RBFOX1: variants seen among roughly 807,000 people sequenced by gnomAD.
The protein encoded by RBFOX1 is RNA binding protein fox-1 homolog 1.
RBFOX1 carries 8 observed loss-of-function variants against 57.7 expected under a neutral mutation model. That is an observed-to-expected ratio of 0.14 (90% confidence interval 0.08 to 0.25). The LOEUF (loss-of-function observed/expected upper bound fraction) is 0.25, where lower values mean the gene tolerates loss of function less well. Among genes scored for constraint, RBFOX1 ranks in the 10% least tolerant of loss-of-function variants. The pLI, the probability that RBFOX1 is intolerant of heterozygous loss-of-function variation, is 1.00. For synonymous variants in RBFOX1, 326 were observed against 222.4 expected, an observed-to-expected ratio of 1.47 and a Z score of -4.15; for missense variants, 611 against 548.5, an observed-to-expected ratio of 1.11 and a Z score of -1.14.
At chr16:6,420,432 G>A (rs932469760) in intron 2 of RBFOX1, among the ~76,000 whole-genome samples, 1 of 151,998 alleles carries the variant, frequency 6.6e-6, no homozygotes, top group Admixed American at 6.6e-5. Context: ...ATAAGAAAAT[G>A]TAAATTAAAG....
chr16:6,795,782 A>G (rs533818995), intron 3 of RBFOX1, among the ~76,000 whole-genome samples: 4 of 151,812 alleles, frequency 2.6e-5, no homozygotes, highest in African/African-American at 9.7e-5. Flanking sequence ...AAAAATGAAA[A>G]AAAAAAAAAG....
At chr16:7,367,883 C>CAT (rs1465014319) in intron 4 of RBFOX1, among the ~76,000 whole-genome samples, 8 of 85,028 alleles carry the variant, frequency 9.4e-5, no homozygotes, top group Non-Finnish European at 1.6e-4. Flanking sequence ...CACATGCGTG[C>CAT]ATACACACAC....
At chr16:5,817,484 G>C (rs1466885651) in intron 3 of RBFOX1, among the ~76,000 whole-genome samples, 1 of 152,146 alleles carries the variant, frequency 6.6e-6, no homozygotes, top group Admixed American at 6.5e-5. Context: ...GAAATTAATG[G>C]ATGAACAAGT....
intron 4 of RBFOX1, among the ~76,000 whole-genome samples, chr16:7,070,829 A>G (rs914464349): frequency 3.9e-5 from 6 of 152,146 alleles, no homozygotes; most frequent in African/African-American, 1.4e-4. Flanking sequence ...GGAAACTGGA[A>G]CCTAACTGCA....
chr16:7,017,649 A>G lies in RBFOX1; in HGVS notation c.-15-34408A>G, dbSNP rs188480101. On this transcript the variant is annotated intron_variant, in intron 3 of 15. Transcript: ENST00000550418. ...GTTGAAATGAGTGTTGCTTTGTCTC[A>G]TGGCTGATACATGCTTGACCTTGGT... Among the ~76,000 whole-genome samples the G allele has an allele frequency of 2.6e-4, 40 of 152,222 alleles. 1 individual carries two copies. In the East Asian group the frequency reaches 7.4e-3, roughly 28 times the overall value.
At chr16:7,460,970 C>T (rs1476477749) in intron 4 of RBFOX1, among the ~76,000 whole-genome samples, 3 of 152,080 alleles carry the variant, frequency 2.0e-5, no homozygotes, top group African/African-American at 7.2e-5. Flanking sequence ...AGATTGATCT[C>T]CTTGACATTG....
chr16:7,508,572 C>T (rs540576413), intron 4 of RBFOX1, among the ~76,000 whole-genome samples: 125 of 152,212 alleles, frequency 8.2e-4, no homozygotes, highest in African/African-American at 2.9e-3. Flanking sequence ...TTTTAACTCT[C>T]ACTCTGTGAT....
At chr16:6,806,345 T>C (rs188366515) in intron 3 of RBFOX1, among the ~76,000 whole-genome samples, 5 of 152,294 alleles carry the variant, frequency 3.3e-5, no homozygotes, top group African/African-American at 7.2e-5. Context: ...CAAAAAACTA[T>C]AGAGTTTTGA....
intron 2 of RBFOX1, among the ~76,000 whole-genome samples, chr16:5,593,130 G>A (rs1053656242): frequency 1.3e-5 from 2 of 151,574 alleles, no homozygotes; most frequent in Admixed American, 6.6e-5. Flanking sequence ...AGAAAATGTG[G>A]CACATATACA....
chr16:6,371,111 C>G (rs995424068), intron 2 of RBFOX1, among the ~76,000 whole-genome samples: 19 of 152,146 alleles, frequency 1.2e-4, no homozygotes, highest in Non-Finnish European at 2.6e-4. Context: ...AACATCAGTC[C>G]TTTGGATCAT....
chr16:7,108,552 G>A (rs886528820), intron 4 of RBFOX1, among the ~76,000 whole-genome samples: 1 of 152,120 alleles, frequency 6.6e-6, no homozygotes, highest in Non-Finnish European at 1.5e-5. Context: ...AGGTGATTCT[G>A]TATGTGCCTG....
At chr16:7,708,016 G>T (rs74012231) in intron 14 of RBFOX1, among the ~76,000 whole-genome samples, 6 of 152,238 alleles carry the variant, frequency 3.9e-5, no homozygotes, top group Non-Finnish European at 2.9e-5. Context: ...CACAGGATAC[G>T]GTGGACCAAG....
At chr16:6,762,259 A>T (rs1429673208) in intron 3 of RBFOX1, among the ~76,000 whole-genome samples, 1 of 152,222 alleles carries the variant, frequency 6.6e-6, no homozygotes, top group Non-Finnish European at 1.5e-5. Flanking sequence ...GATAGGTTAT[A>T]TATGTAGTGT....
chr16:6,528,092 A>G (rs146460978), intron 2 of RBFOX1, among the ~76,000 whole-genome samples: 351 of 152,266 alleles, frequency 2.3e-3, no homozygotes, highest in African/African-American at 8.0e-3. Flanking sequence ...CACCTTCAGG[A>G]AACCTTTCCT....
At chr16:6,202,995 T>A (rs905792110) in intron 1 of RBFOX1, among the ~76,000 whole-genome samples, 1 of 151,992 alleles carries the variant, frequency 6.6e-6, no homozygotes, top group African/African-American at 2.4e-5. Context: ...AGGCTGGTCT[T>A]GAAATCCTGG....
chr16:6,381,332 C>T (rs898952820), intron 2 of RBFOX1, among the ~76,000 whole-genome samples: 1 of 152,136 alleles, frequency 6.6e-6, no homozygotes, highest in Non-Finnish European at 1.5e-5. Context: ...CTCCCTCCCA[C>T]CCTTCCATCT....
intron 3 of RBFOX1, among the ~76,000 whole-genome samples, chr16:6,909,323 G>C (rs1191014605): frequency 3.3e-5 from 5 of 152,118 alleles, no homozygotes; most frequent in Admixed American, 3.3e-4. Context: ...TCCTTCTCTG[G>C]TCTTCCTCTT....
chr16:6,748,935 C>G (rs1485525796), intron 3 of RBFOX1: 1 of 152,116 alleles, frequency 6.6e-6, no homozygotes, highest in East Asian at 1.9e-4. Context: ...CAGAATTTGT[C>G]TAGCAACCTT....
chr16:6,112,202 G>T (rs982019704), intron 1 of RBFOX1, among the ~76,000 whole-genome samples: 1 of 152,130 alleles, frequency 6.6e-6, no homozygotes, highest in Non-Finnish European at 1.5e-5. Flanking sequence ...TGGACTTTAA[G>T]AACTTCTGCT....
Sources: allele counts gnomAD v4.1 joint callset (sites outside exome capture counted in the v4.1 genomes callset), GRCh38; gene constraint gnomAD v4.1.1; transcripts MANE v1.5; gene names NCBI Gene and HGNC (gene_info 2026-07-23, HGNC 2026-07-21).